The following U2AF2 variants were observed in gnomAD, a reference collection of about 807,000 sequenced individuals.
U2AF2 encodes U2 small nuclear RNA auxiliary factor 2.
A neutral mutation model predicts 52.6 loss-of-function variants in U2AF2; 6 were observed. The observed-to-expected ratio is 0.11, with a 90% CI of 0.06 to 0.23. U2AF2 has a LOEUF of 0.23. Ranked by LOEUF, U2AF2 falls within the 10% of genes least tolerant of loss-of-function variation. The pLI is 1.00. For synonymous variants in U2AF2, 284 were observed against 258.2 expected (o/e 1.10, Z -0.96); for missense variants, 222 against 677.1 (o/e 0.33, Z 7.46).
chr19:55,661,397 C>T, intron 5 of U2AF2: 1 of 519,374 alleles, frequency 1.9e-6, no homozygotes, highest in Non-Finnish European at 3.3e-6. Context: ...TCTCCCGTCT[C>T]CCCTCCCCCC....
intron 7 of U2AF2, among the ~76,000 whole-genome samples, chr19:55,667,999 G>A (rs1185101313): frequency 6.6e-6 from 1 of 152,080 alleles, no homozygotes; most frequent in Non-Finnish European, 1.5e-5. Context: ...TGGACAGGAT[G>A]GTCTTATCTC....
At chr19:55,657,405 C>CT (rs1983864943) in intron 1 of U2AF2, among the ~76,000 whole-genome samples, 1 of 152,222 alleles carries the variant, frequency 6.6e-6, no homozygotes, top group African/African-American at 2.4e-5. Flanking sequence ...GTGTCGCCTT[C>CT]TGCTTCAGTC....
chr19:55,662,462 CTT>C, intron 5 of U2AF2, 38 bp from the exon 6 acceptor site: 2 of 1,061,168 alleles, frequency 1.9e-6, no homozygotes, highest in Non-Finnish European at 2.8e-6. Flanking sequence ...CTCCACCTCC[CTT>C]CCCCCGCCCC....
intron 1 of U2AF2, among the ~76,000 whole-genome samples, chr19:55,655,832 T>C (rs1392739992): frequency 6.6e-6 from 1 of 152,232 alleles, no homozygotes; most frequent in Non-Finnish European, 1.5e-5. Context: ...CTGCATTCTT[T>C]GAGTGTCCGC....
chr19:55,658,350 CAGGGGTTGA>C (rs1328654656), intron 1 of U2AF2, among the ~76,000 whole-genome samples: 3 of 135,612 alleles, frequency 2.2e-5, no homozygotes, highest in Non-Finnish European at 4.6e-5. Context: ...GGTCTCTCTT[CAGGGGTTGA>C]AGGGTCTGGT....
chr19:55,663,081 T>C (rs1160288555), intron 6 of U2AF2, among the ~76,000 whole-genome samples: 1 of 152,180 alleles, frequency 6.6e-6, no homozygotes, highest in South Asian at 2.1e-4. Flanking sequence ...TTTCGACTCT[T>C]GGTGGACTGA....
At chr19:55,660,462 C>A in intron 3 of U2AF2, 54 bp from the exon 4 acceptor site, 1 of 1,178,642 alleles carries the variant, frequency 8.5e-7, no homozygotes, top group Non-Finnish European at 1.3e-6. Flanking sequence ...CGCAGGCCCA[C>A]TGTTGGTCAG....
rs578192729 is a variant in U2AF2 at position 55,663,383 on chromosome 19, C to T, written c.604-223C>T. 2.0e-5 allele frequency among the ~76,000 whole-genome samples: 3 copies of T among 152,288 alleles called. No homozygotes were observed. In the South Asian group the frequency reaches 6.2e-4, roughly 32 times the overall value. On this transcript the variant is annotated intron_variant, in intron 6 of 11. Transcript: ENST00000308924. ...ATCACAGCCTGCAATTGTGTGTTTG[C>T]CTCTGTGTTTGTGTTGGGTGCCTGG...
rs772444502 is a variant in U2AF2 at position 55,660,232 on chromosome 19, C to T, written c.230+11C>T. 6 of 1,609,032 alleles carry T rather than the reference C, an allele frequency of 3.7e-6. No individual in the cohort carries two copies. The highest frequency in any genetic ancestry group is 4.5e-5 in the East Asian group (2 of 44,644). On this transcript the variant is annotated intron_variant, in intron 3 of 11. Transcript: ENST00000308924. ...GCACGGTGGACTGATGTGAGCTTCT[C>T]TTCCTGCCCCTTCCTCCCTGATGTC...
intron 11 of U2AF2, among the ~76,000 whole-genome samples, chr19:55,672,479 T>TA (rs910658429): frequency 9.9e-5 from 15 of 152,184 alleles, no homozygotes; most frequent in Admixed American, 6.5e-4. Context: ...CGTTGTAGGA[T>TA]ATTGAGATGT....
intron 11 of U2AF2, among the ~76,000 whole-genome samples, chr19:55,673,304 C>T (rs1985043826): frequency 6.9e-6 from 1 of 144,346 alleles, no homozygotes; most frequent in East Asian, 2.0e-4. Flanking sequence ...GTAATTTATC[C>T]TTTGTACCTC....
At chr19:55,664,900 T>G (rs1467013268) in intron 7 of U2AF2, among the ~76,000 whole-genome samples, 1 of 152,092 alleles carries the variant, frequency 6.6e-6, no homozygotes, top group Admixed American at 6.5e-5. Flanking sequence ...GTATTTTTAG[T>G]AGAGGGTGGG....
At chr19:55,655,211 C>A (rs1321378615) in intron 1 of U2AF2, 58 bp downstream of exon 1, 31 of 1,528,660 alleles carry the variant, frequency 2.0e-5, no homozygotes, top group Admixed American at 5.8e-5. Context: ...TCGCTCTTTG[C>A]CCCCCCGCCA....
Position 55,669,479 on chromosome 19 carries a change from G to A in U2AF2, c.1080G>A (p.Val360=). Residue 360 remains valine, a synonymous_variant, in exon 11 of 12, where the codon GTG becomes GTA. Transcript: ENST00000308924. ...TINQTPVTLQ[V]PGLMSSQVQM... ...ATCAGACGCCTGTGACCCTGCAAGTGCCGGGCTTGATGAGCTCCCAGGTGC... is the reference window on the plus strand; with the variant it reads ...ATCAGACGCCTGTGACCCTGCAAGTACCGGGCTTGATGAGCTCCCAGGTGC... 1 of 1,613,078 alleles carries A rather than the reference G, an allele frequency of 6.2e-7. No individual in the cohort carries two copies.
intron 5 of U2AF2, chr19:55,662,074 C>G (rs1334095039): frequency 5.9e-6 from 1 of 169,054 alleles, no homozygotes; most frequent in Non-Finnish European, 1.3e-5. Context: ...CACTTCCTTT[C>G]TACTTTCCTG....
Position 55,668,865 on chromosome 19 carries a change from CCCT to C in U2AF2, c.945+78_945+80del. 6.4e-7 allele frequency: 1 copy of C among 1,564,994 alleles called. No individual in the cohort carries two copies. The highest frequency in any genetic ancestry group is 8.7e-7 in the Non-Finnish European group (1 of 1,152,042). On this transcript the variant is annotated intron_variant, in intron 9 of 11. Transcript: ENST00000308924. This position sits in a 1 kb window ranked among gnomAD's most constrained non-coding sequence, Gnocchi z 5.5. Reference sequence around the variant, plus strand: ...TGCGCTGTTGCCAAGCCATGGTCTCCCCTCCTCAGGGGACGGGGCGGGAGGCGG... The same window carrying C: ...TGCGCTGTTGCCAAGCCATGGTCTCCCCTCAGGGGACGGGGCGGGAGGCGG...
chr19:55,666,126 C>T (rs1984535813), intron 7 of U2AF2, among the ~76,000 whole-genome samples: 1 of 152,202 alleles, frequency 6.6e-6, no homozygotes, highest in Non-Finnish European at 1.5e-5. Context: ...GGTGCTCTGG[C>T]AGGGGCTGAG....
chr19:55,666,829 T>C (rs1984578633), intron 7 of U2AF2, among the ~76,000 whole-genome samples: 1 of 152,220 alleles, frequency 6.6e-6, no homozygotes, highest in African/African-American at 2.4e-5. Context: ...CCATTCTTCC[T>C]TGGACCCAGG....
intron 7 of U2AF2, among the ~76,000 whole-genome samples, chr19:55,665,051 A>G (rs1325330048): frequency 1.3e-5 from 2 of 152,166 alleles, no homozygotes; most frequent in African/African-American, 4.8e-5. Context: ...TGGTAAATTC[A>G]GCTAACCTTT....
Sources: allele counts gnomAD v4.1 joint callset (sites outside exome capture counted in the v4.1 genomes callset), GRCh38; gene constraint gnomAD v4.1.1; non-coding constraint Gnocchi (gnomAD v3.1); transcripts MANE v1.5; gene names NCBI Gene and HGNC (gene_info 2026-07-23, HGNC 2026-07-21).